Variants in SIK2 observed in about 807,000 individuals in gnomAD.
The protein encoded by SIK2 is salt inducible kinase 2.
A neutral mutation model predicts 103.2 loss-of-function variants in SIK2; 29 were observed. The observed-to-expected ratio is 0.28, with a 90% CI of 0.21 to 0.38. The LOEUF (loss-of-function observed/expected upper bound fraction) is 0.38, where lower values mean the gene tolerates loss of function less well. SIK2 is among the 10% of genes least tolerant of loss of function. SIK2 has a pLI of 1.00. For synonymous variants in SIK2, 412 were observed against 446.1 expected, an observed-to-expected ratio of 0.92 and a Z score of 0.96; for missense variants, 879 against 1,171.0, an observed-to-expected ratio of 0.75 and a Z score of 3.64.
chr11:111,637,453 T>C (rs1234962545), intron 3 of SIK2, among the ~76,000 whole-genome samples: 3 of 150,130 alleles, frequency 2.0e-5, no homozygotes, highest in African/African-American at 7.4e-5. Flanking sequence ...CATTTTGTAA[T>C]ATCTTTTTTT....
chr11:111,709,925 C>T (rs1943452586), intron 8 of SIK2, among the ~76,000 whole-genome samples: 1 of 152,172 alleles, frequency 6.6e-6, no homozygotes, highest in Non-Finnish European at 1.5e-5. Context: ...TTAAAGCGTC[C>T]GAGCTAGTGA....
At chr11:111,620,454 C>A in intron 3 of SIK2, 52 bp downstream of exon 3, 1 of 1,125,396 alleles carries the variant, frequency 8.9e-7, no homozygotes, top group Non-Finnish European at 1.3e-6. Context: ...CACTAATCTG[C>A]ATGAATGGGG....
rs1258385264 is a variant in SIK2, at chr11:111,602,504, G to C, written c.-60G>C. 1 of 1,404,758 alleles carries C rather than the reference G, an allele frequency of 7.1e-7. No homozygotes were observed. Among genetic ancestry groups the C allele is most frequent in the African/African-American group, 1.5e-5 (1 of 66,628 alleles). 87.0% of individuals were successfully genotyped at this position (1,404,758 alleles called of 1,614,324 possible). A position where few individuals can be genotyped will look rare whatever the true frequency, so the allele number is the denominator to read the frequency against. ...GCGGCCGTCGCCCAAGCCAAGCCGC[G>C]CTGCCAACCCTCCCGCCCGCCCGCG... On this transcript the variant is annotated 5_prime_UTR_variant, in exon 1 of 15. Coordinates refer to ENST00000304987, the MANE Select transcript of SIK2 (RefSeq NM_015191.3). The surrounding 1 kb of genome is among the most constrained non-coding windows in gnomAD (Gnocchi z 4.5).
At chr11:111,607,077 C>T (rs1941658706) in intron 1 of SIK2, among the ~76,000 whole-genome samples, 1 of 152,062 alleles carries the variant, frequency 6.6e-6, no homozygotes, top group African/African-American at 2.4e-5. Flanking sequence ...TTTTCCTCAA[C>T]ACCATATACC....
intron 3 of SIK2, among the ~76,000 whole-genome samples, chr11:111,668,128 T>G (rs1360714726): frequency 6.6e-6 from 1 of 151,866 alleles, no homozygotes; most frequent in African/African-American, 2.4e-5. Flanking sequence ...GAGGGAATGG[T>G]AAGGGCTCTA....
chr11:111,683,308 G>A (rs1400605201), intron 3 of SIK2: 1 of 152,196 alleles, frequency 6.6e-6, no homozygotes, highest in Admixed American at 6.5e-5. Context: ...GGGTATATGA[G>A]TAGCTGCACT....
intron 7 of SIK2, among the ~76,000 whole-genome samples, chr11:111,703,914 G>A (rs961364902): frequency 2.6e-5 from 4 of 152,176 alleles, no homozygotes; most frequent in African/African-American, 9.6e-5. Context: ...ATAGAACTGT[G>A]AAGGGTCATG....
rs1319733565 is a variant in SIK2, at chr11:111,719,900, AGACCCCGCTCATGCCTTTGAGGCATTT to A, written c.1393_1419del (p.Asp465_Phe473del). ...TGGAGACAGAAGGAGAGGCCGAGGAAGACCCCGCTCATGCCTTTGAGGCATTTCAGTCCACACGCAGCGGGCAGAGAC... is the reference window on the plus strand; with the variant it reads ...TGGAGACAGAAGGAGAGGCCGAGGAACAGTCCACACGCAGCGGGCAGAGAC... On this transcript the variant is annotated inframe_deletion, in exon 10 of 15. Coordinates refer to ENST00000304987, the MANE Select transcript of SIK2 (RefSeq NM_015191.3). 6.2e-7 allele frequency: 1 copy of A among 1,614,058 alleles called. No individual in the cohort carries two copies. Among genetic ancestry groups the A allele is most frequent in the Non-Finnish European group, 8.5e-7 (1 of 1,180,026 alleles).
chr11:111,649,683 A>G (rs760705350), intron 3 of SIK2, among the ~76,000 whole-genome samples: 5 of 152,220 alleles, frequency 3.3e-5, no homozygotes, highest in African/African-American at 4.8e-5. Context: ...AGTATTCTAT[A>G]AATGGTAACA....
At chr11:111,628,581 A>G (rs540501145) in intron 3 of SIK2, among the ~76,000 whole-genome samples, 2 of 151,934 alleles carry the variant, frequency 1.3e-5, no homozygotes, top group African/African-American at 2.4e-5. Context: ...GTGTGCCACC[A>G]TGCCAGGCTA....
chr11:111,610,487 A>T (rs1941708029), intron 1 of SIK2, among the ~76,000 whole-genome samples: 2 of 139,274 alleles, frequency 1.4e-5, no homozygotes, highest in Non-Finnish European at 3.2e-5. Context: ...GACTCTGTCT[A>T]AAAAAAAAAA....
chr11:111,668,465 G>A (rs1942579776), intron 3 of SIK2, among the ~76,000 whole-genome samples: 1 of 152,168 alleles, frequency 6.6e-6, no homozygotes, highest in Non-Finnish European at 1.5e-5. Flanking sequence ...AAGGGTTAAG[G>A]TTTGGTTTTG....
At chr11:111,661,340 G>A (rs1942464813) in intron 3 of SIK2, among the ~76,000 whole-genome samples, 1 of 152,110 alleles carries the variant, frequency 6.6e-6, no homozygotes. Context: ...CCACAGAATG[G>A]GGAAGAGGGA....
At chr11:111,654,445 C>G (rs1026613698) in intron 3 of SIK2, among the ~76,000 whole-genome samples, 1 of 152,122 alleles carries the variant, frequency 6.6e-6, no homozygotes, top group Non-Finnish European at 1.5e-5. Context: ...TGGCCATTGT[C>G]AGATCATTTG....
intron 3 of SIK2, among the ~76,000 whole-genome samples, chr11:111,687,765 C>T (rs1356692255): frequency 6.6e-6 from 1 of 151,816 alleles, no homozygotes; most frequent in Non-Finnish European, 1.5e-5. Flanking sequence ...GCCACCATGC[C>T]TGGCTAATTT....
In SIK2 at chr11:111,610,121, C is replaced by G. The variant is rs186668417; in HGVS notation, c.136-6122C>G. On this transcript the variant is annotated intron_variant, in intron 1 of 14. Coordinates refer to ENST00000304987, the MANE Select transcript of SIK2 (RefSeq NM_015191.3). ...GTGGATTTATAGAACCCAAAAGCAA[C>G]TTTTGTATATGTGGTTTCTTTAAAT... Among the ~76,000 whole-genome samples, 7 of 152,266 alleles carry G rather than the reference C, an allele frequency of 4.6e-5. No individual in the cohort carries two copies. In the East Asian group the frequency reaches 1.4e-3, roughly 29 times the overall value.
At chr11:111,605,695 C>G (rs905876795) in intron 1 of SIK2, among the ~76,000 whole-genome samples, 1 of 152,156 alleles carries the variant, frequency 6.6e-6, no homozygotes, top group African/African-American at 2.4e-5. Context: ...TGGTTCTTCT[C>G]TGTCTCTTGT....
intron 3 of SIK2, among the ~76,000 whole-genome samples, chr11:111,646,754 C>A (rs1352764023): frequency 1.3e-5 from 2 of 152,182 alleles, no homozygotes; most frequent in Non-Finnish European, 2.9e-5. Context: ...CTCAGCATAA[C>A]TTTTCGAGAT....
At chr11:111,644,059 G>A (rs1317436317) in intron 3 of SIK2, among the ~76,000 whole-genome samples, 3 of 151,622 alleles carry the variant, frequency 2.0e-5, no homozygotes, top group Admixed American at 6.6e-5. Flanking sequence ...AGGCTGAGGC[G>A]AGCGGATCAC....
Sources: gnomAD v4.1 joint callset for allele counts (sites outside exome capture counted in the v4.1 genomes callset) on GRCh38, gnomAD v4.1.1 for gene constraint, Gnocchi (gnomAD v3.1) non-coding constraint, MANE v1.5 for transcripts, NCBI Gene and HGNC (gene_info 2026-07-23, HGNC 2026-07-21) for gene names.